Variants in MPV17L2 observed in about 807,000 individuals in gnomAD.
MPV17L2 encodes mpv17-like protein 2.
A neutral mutation model predicts 24.2 loss-of-function variants in MPV17L2; 25 were observed. That is an observed-to-expected ratio of 1.03 (90% CI 0.75 to 1.44). The LOEUF (loss-of-function observed/expected upper bound fraction) is 1.44. MPV17L2 is among the 40% of genes most tolerant of loss of function. The pLI is 0.00. For missense variants in MPV17L2, 271 were observed against 276.2 expected, an observed-to-expected ratio of 0.98 and a Z score of 0.13; for synonymous variants, 130 against 121.4, an observed-to-expected ratio of 1.07 and a Z score of -0.46.
At position 18,194,781 on chromosome 19, in the gene MPV17L2, T is replaced by A; in HGVS notation, c.363T>A (p.Leu121=). 6.2e-7 allele frequency: 1 copy of A among 1,608,298 alleles called. No homozygotes were observed. The highest frequency in any genetic ancestry group is 1.1e-5 in the South Asian group (1 of 90,084). The change falls in exon 3 of 5, where the codon CTT becomes CTA. Residue 121 remains leucine, a synonymous_variant. Coordinates refer to ENST00000599612, the MANE Select transcript of MPV17L2 (RefSeq NM_032683.3). ...ATTTCTTGGTTTGCTTCCCAGGCCT[T>A]GGCTGCCTGGAGGGTCAGACAGTGG... ...PLLGVWYFLG[L]GCLEGQTVGE...
At chr19:18,195,851 A>C in intron 4 of MPV17L2, 148 bp from the exon 5 acceptor site, 1 of 723,820 alleles carries the variant, frequency 1.4e-6, no homozygotes, top group South Asian at 1.8e-5. Flanking sequence ...AAACAAAAAG[A>C]CCCAACCCTT....
Position 18,196,493 on chromosome 19 carries a change from A to C in MPV17L2, c.*438A>C. 1 of 1,229,990 alleles carries C rather than the reference A, an allele frequency of 8.1e-7. No individual in the cohort carries two copies. Among genetic ancestry groups the C allele is most frequent in the Non-Finnish European group, 1.1e-6 (1 of 939,374 alleles). 76.2% of individuals were successfully genotyped at this position (1,229,990 alleles called of 1,614,324 possible). ...GGCTCAGGCCTGGAGTCGGCCCCCA[A>C]AAGTTTCACATAGGGCCAGGCAGCC... On this transcript the variant is annotated 3_prime_UTR_variant, in exon 5 of 5. Coordinates refer to ENST00000599612, the MANE Select transcript of MPV17L2 (RefSeq NM_032683.3).
intron 2 of MPV17L2, chr19:18,194,277 C>T (rs1967473058): frequency 1.9e-6 from 1 of 536,346 alleles, no homozygotes; most frequent in East Asian, 3.1e-5. Flanking sequence ...GAGCATTTCC[C>T]AAAGAAGGGG....
chr19:18,193,754 A>T (rs898684773), intron 1 of MPV17L2, 110 bp from the exon 2 acceptor site: 1 of 1,517,282 alleles, frequency 6.6e-7, no homozygotes, highest in Non-Finnish European at 8.8e-7. Context: ...GGTGAGGCTG[A>T]GGCTCCGGGA....
intron 4 of MPV17L2, 129 bp from the exon 5 acceptor site, chr19:18,195,870 T>A (rs1169319487): frequency 2.2e-5 from 18 of 828,826 alleles, no homozygotes; most frequent in Non-Finnish European, 3.1e-5. Context: ...TTCTCTGCTG[T>A]CTGATGTGAC....
In MPV17L2 at chr19:18,196,307, A is replaced by G; in HGVS notation, c.*252A>G. 1.4e-6 allele frequency: 2 copies of G among 1,454,904 alleles called. No homozygotes were observed. The highest frequency in any genetic ancestry group is 2.4e-5 in the South Asian group (2 of 82,424). The allele number at this position is 1,454,904 out of a possible 1,614,324, so 90.1% of individuals were successfully genotyped here. On this transcript the variant is annotated 3_prime_UTR_variant, in exon 5 of 5. Coordinates refer to ENST00000599612, the MANE Select transcript of MPV17L2 (RefSeq NM_032683.3). ...CAGCAGGAACCTCATGCGACCTGTGACCAAGATGTCCCATCCTCAGCACAG... is the reference window on the plus strand; with the variant it reads ...CAGCAGGAACCTCATGCGACCTGTGGCCAAGATGTCCCATCCTCAGCACAG...
At chr19:18,193,743 C>G (rs1600019353) in intron 1 of MPV17L2, 121 bp from the exon 2 acceptor site, 4 of 1,499,878 alleles carry the variant, frequency 2.7e-6, no homozygotes, top group South Asian at 1.4e-5. Context: ...CCGGTTTTCC[C>G]GGTGAGGCTG....
At position 18,196,418 on chromosome 19, in the gene MPV17L2, C is replaced by G. The variant is rs1475513883; in HGVS notation, c.*363C>G. 9.9e-6 allele frequency: 13 copies of G among 1,310,268 alleles called. No individual in the cohort carries two copies. The highest frequency in any genetic ancestry group is 1.3e-5 in the Non-Finnish European group (13 of 1,002,426). 81.2% of individuals were successfully genotyped at this position (1,310,268 alleles called of 1,614,324 possible). On this transcript the variant is annotated 3_prime_UTR_variant, in exon 5 of 5. Transcript: ENST00000599612. ...TGGGCCAAGCCACCAATCCAGAGCTCCCTCAGGTCCTGGGACTAAGGCGGG... is the reference window on the plus strand; with the variant it reads ...TGGGCCAAGCCACCAATCCAGAGCTGCCTCAGGTCCTGGGACTAAGGCGGG...
At chr19:18,194,887 C>CG in intron 3 of MPV17L2, 34 bp downstream of exon 3, 3 of 1,593,604 alleles carry the variant, frequency 1.9e-6, no homozygotes, top group Middle Eastern at 4.2e-4. Context: ...ATGTCCGGCC[C>CG]CGCCCCCTGA....
At position 18,194,261 on chromosome 19, in the gene MPV17L2, GGTT is replaced by G; in HGVS notation, c.358+229_358+231del. The G allele has an allele frequency of 5.4e-6, 3 of 559,086 alleles. No individual in the cohort carries two copies. The South Asian group carries it at 6.8e-5, about 13-fold the overall frequency. The allele number at this position is 559,086 out of a possible 1,614,324, so 34.6% of individuals were successfully genotyped here. The stretch of plus-strand genomic sequence containing the variant: ...TCTGTTGGGGCTGCCCTGGGCGGGA[GGTT>G]GAGAGCATTTCCCAAAGAAGGGGAC... On this transcript the variant is annotated intron_variant, in intron 2 of 4. Coordinates refer to ENST00000599612, the MANE Select transcript of MPV17L2 (RefSeq NM_032683.3).
Position 18,196,372 on chromosome 19 carries a change from A to C in MPV17L2, c.*317A>C. On this transcript the variant is annotated 3_prime_UTR_variant, in exon 5 of 5. Transcript: ENST00000599612. ...ACCAGTCTCAAGCACCAGCCCCTCA[A>C]CACTGCCATCCACCTGGCTCTGGGC... The C allele has an allele frequency of 7.4e-7, 1 of 1,342,662 alleles. No homozygotes were observed. The allele number at this position is 1,342,662 out of a possible 1,614,324, so 83.2% of individuals were successfully genotyped here. A position where few individuals can be genotyped will look rare whatever the true frequency, so the allele number is the denominator to read the frequency against.
chr19:18,196,065 T>C lies in MPV17L2; in HGVS notation c.*10T>C, dbSNP rs769146667. The stretch of plus-strand genomic sequence containing the variant: ...CACCCGAGCAGACTGAACTGTCTGC[T>C]TCCTGGACCAGATGCAAGACTGTCT... On this transcript the variant is annotated 3_prime_UTR_variant, in exon 5 of 5. Transcript: ENST00000599612. 6.2e-7 allele frequency: 1 copy of C among 1,614,118 alleles called. No individual in the cohort carries two copies. Among genetic ancestry groups the C allele is most frequent in the Admixed American group, 1.7e-5 (1 of 60,026 alleles).
rs565904026 is a variant in MPV17L2, at chr19:18,193,525, C to G, written c.187+57C>G. On this transcript the variant is annotated intron_variant, in intron 1 of 4. Transcript: ENST00000599612. Reference sequence around the variant, plus strand: ...CCGGGCGACCTTTGATCCCGACACCCGACTGCGGGCCGTGACCCCTGACCC... The same window carrying G: ...CCGGGCGACCTTTGATCCCGACACCGGACTGCGGGCCGTGACCCCTGACCC... 73 of 1,424,974 alleles carry G rather than the reference C, an allele frequency of 5.1e-5. 1 individual carries two copies. The Middle Eastern group carries it at 8.3e-4, about 16-fold the overall frequency. The allele number at this position is 1,424,974 out of a possible 1,614,324, so 88.3% of individuals were successfully genotyped here. A position where few individuals can be genotyped will look rare whatever the true frequency, so the allele number is the denominator to read the frequency against.
Position 18,195,070 on chromosome 19 carries a change from C to T in MPV17L2, c.548C>T (p.Ser183Phe). Residue 183 changes from serine to phenylalanine, a missense_variant, in exon 4 of 5, where the codon TCC becomes TTC. Physicochemically the swap from Ser to Phe is radical, Grantham distance 155. Coordinates refer to ENST00000599612, the MANE Select transcript of MPV17L2 (RefSeq NM_032683.3). ...GLTLGWDTYL[S>F]YLKYRSPVPL... ...ACGCTGGGCTGGGACACGTACCTGT[C>T]CTACTTGAAGTACCGGGTGAGTGTG... 6.2e-7 allele frequency: 1 copy of T among 1,614,138 alleles called. No individual in the cohort carries two copies. The highest frequency in any genetic ancestry group is 1.3e-5 in the African/African-American group (1 of 75,044).
Position 18,195,097 on chromosome 19 carries a change from A to G in MPV17L2, c.564+11A>G. The G allele has an allele frequency of 6.2e-7, 1 of 1,612,312 alleles. No homozygotes were observed. The highest frequency in any genetic ancestry group is 8.5e-7 in the Non-Finnish European group (1 of 1,178,870). ...TACTTGAAGTACCGGGTGAGTGTGGAGGGCATACCAGGCACCCAGGGGACT... is the reference window on the plus strand; with the variant it reads ...TACTTGAAGTACCGGGTGAGTGTGGGGGGCATACCAGGCACCCAGGGGACT... On this transcript the variant is annotated intron_variant, in intron 4 of 4. Transcript: ENST00000599612.
chr19:18,196,008 C>T lies in MPV17L2; in HGVS notation c.574C>T (p.Pro192Ser), dbSNP rs1456637847. ...TGTCTTGTGTGGACAGAGCCCAGTT[C>T]CTCTGACACCCCCAGGCTGTGTGGC... ...LSYLKYRSPV[P>S]LTPPGCVALD... is the part of the protein sequence containing the mutation. Residue 192 changes from proline to serine, a missense_variant, in exon 5 of 5, where the codon CCT (proline) becomes TCT (serine). Physicochemically the swap from Pro to Ser is moderately conservative, Grantham distance 74. Transcript: ENST00000599612. 1 of 1,609,622 alleles carries T rather than the reference C, an allele frequency of 6.2e-7. No homozygotes were observed. The highest frequency in any genetic ancestry group is 1.1e-5 in the South Asian group (1 of 90,646).
At chr19:18,193,694 G>A in intron 1 of MPV17L2, 170 bp from the exon 2 acceptor site, 3 of 1,437,114 alleles carry the variant, frequency 2.1e-6, no homozygotes, top group Non-Finnish European at 2.7e-6. Flanking sequence ...CGCGCCTCCT[G>A]GTGGGGCTTG....
chr19:18,193,371 G>T lies in MPV17L2; in HGVS notation c.90G>T (p.Thr30=). The part of the protein sequence containing the change: ...FQGRALLVTN[T]LGCGALMAAG... Reference sequence around the variant, plus strand: ...GCCGCGCGCTGCTCGTCACTAACACGCTGGGCTGCGGCGCGCTCATGGCGG... The same window carrying T: ...GCCGCGCGCTGCTCGTCACTAACACTCTGGGCTGCGGCGCGCTCATGGCGG... The change falls in exon 1 of 5, where the codon ACG becomes ACT. Residue 30 remains threonine (T), a synonymous_variant. Transcript: ENST00000599612. 1 of 1,568,802 alleles carries T rather than the reference G, an allele frequency of 6.4e-7. No individual in the cohort carries two copies. Among genetic ancestry groups the T allele is most frequent in the Non-Finnish European group, 8.6e-7 (1 of 1,163,404 alleles).
Position 18,193,356 on chromosome 19 carries a change from G to T in MPV17L2, c.75G>T (p.Leu25=). Residue 25 remains leucine, a synonymous_variant, in exon 1 of 5, where the codon CTG becomes CTT. Coordinates refer to ENST00000599612, the MANE Select transcript of MPV17L2 (RefSeq NM_032683.3). ...AGQLLFQGRA[L]LVTNTLGCGA... is the part of the protein sequence containing the mutation. ...AGCTTCTATTCCAGGGCCGCGCGCT[G>T]CTCGTCACTAACACGCTGGGCTGCG... is the stretch of plus-strand genomic sequence containing the variant. 1 of 1,566,918 alleles carries T rather than the reference G, an allele frequency of 6.4e-7. No individual in the cohort carries two copies.
Sources: allele counts gnomAD v4.1 joint callset, GRCh38; gene constraint gnomAD v4.1.1; transcripts MANE v1.5; gene names NCBI Gene and HGNC (gene_info 2026-07-23, HGNC 2026-07-21).